The following PRKN variants were observed in gnomAD, a reference collection of about 807,000 sequenced individuals.
PRKN encodes the protein parkin RBR E3 ubiquitin protein ligase, also known as E3 ubiquitin-protein ligase parkin.
PRKN carries 56 observed loss-of-function variants against 59.5 expected under a neutral mutation model. That is an observed-to-expected ratio of 0.94 (90% confidence interval 0.76 to 1.18). The LOEUF is 1.18. Among genes scored for constraint, PRKN ranks in the 50% most tolerant of loss-of-function variants. The pLI, the probability that PRKN is intolerant of heterozygous loss-of-function variation, is 0.00. For synonymous variants in PRKN, 250 were observed against 222.1 expected, an observed-to-expected ratio of 1.13 and a Z score of -1.12; for missense variants, 657 against 596.4, an observed-to-expected ratio of 1.10 and a Z score of -1.06.
rs369425269 is a variant in PRKN, at chr6:161,898,090, C to G, written c.734+75212G>C. Among the ~76,000 whole-genome samples the G allele has an allele frequency of 3.3e-4, 50 of 151,080 alleles. 2 individuals carry two copies. The South Asian group carries it at 9.6e-3, about 29-fold the overall frequency. ...TTTAAGAAGGATGACTATAACAGAA[C>G]TTGTAGCAAATTTTCCATAGTAAAG... On this transcript the variant is annotated intron_variant, in intron 6 of 11. Transcript: ENST00000366898.
intron 1 of PRKN, chr6:162,568,806 G>T: frequency 1.4e-6 from 1 of 733,614 alleles, no homozygotes; most frequent in Admixed American, 1.7e-5. Context: ...GGCAGAGCTT[G>T]GCAACATGCA....
At chr6:162,147,198 A>G (rs1782067172) in intron 4 of PRKN, among the ~76,000 whole-genome samples, 1 of 151,234 alleles carries the variant, frequency 6.6e-6, no homozygotes, top group Non-Finnish European at 1.5e-5. Flanking sequence ...AAAATTACCC[A>G]CTGGCGTGGT....
At chr6:162,130,865 T>C (rs767625557) in intron 4 of PRKN, among the ~76,000 whole-genome samples, 2 of 152,128 alleles carry the variant, frequency 1.3e-5, no homozygotes, top group African/African-American at 2.4e-5. Flanking sequence ...AAGAATAATA[T>C]GAAAAGTATC....
At chr6:162,051,043 C>T (rs185849884) in intron 5 of PRKN, among the ~76,000 whole-genome samples, 7 of 152,266 alleles carry the variant, frequency 4.6e-5, no homozygotes, top group African/African-American at 7.2e-5. Context: ...ACACGTCCTA[C>T]AAGTGCTGCA....
chr6:161,953,283 T>C (rs1780053957), intron 6 of PRKN, among the ~76,000 whole-genome samples: 1 of 152,108 alleles, frequency 6.6e-6, no homozygotes, highest in Admixed American at 6.6e-5. Context: ...AGCTAATTTT[T>C]TAATTTTAAT....
intron 2 of PRKN, among the ~76,000 whole-genome samples, chr6:162,413,527 C>T (rs1788455767): frequency 6.6e-6 from 1 of 152,166 alleles, no homozygotes; most frequent in Admixed American, 6.5e-5. Context: ...CAAAAGGCAA[C>T]AAAAGTTGGT....
chr6:161,531,009 G>A (rs1368443957), intron 9 of PRKN, among the ~76,000 whole-genome samples: 6 of 152,124 alleles, frequency 3.9e-5, no homozygotes, highest in African/African-American at 1.4e-4. Flanking sequence ...ACAGAACATA[G>A]CACTCCACCA....
chr6:162,708,905 A>T (rs939394020), intron 1 of PRKN, among the ~76,000 whole-genome samples: 1 of 152,066 alleles, frequency 6.6e-6, no homozygotes, highest in Non-Finnish European at 1.5e-5. Context: ...GAGCCAGTAA[A>T]CCTTCCTCTG....
chr6:161,939,417 T>A (rs1462996782), intron 6 of PRKN, among the ~76,000 whole-genome samples: 11 of 22,638 alleles, frequency 4.9e-4, no homozygotes, highest in Admixed American at 4.0e-3. Context: ...AGACTCTGTC[T>A]CAAAAAAAAA....
chr6:161,516,826 C>CAAAAAAAAAAAAAAAAAA (rs369136348), intron 9 of PRKN, among the ~76,000 whole-genome samples: 5 of 63,206 alleles, frequency 7.9e-5, no homozygotes, highest in Admixed American at 2.2e-4. Flanking sequence ...GACTCAATCT[C>CAAAAAAAAAAAAAAAAAA]AAAAAAAAAA....
chr6:162,530,126 C>T (rs533382913), intron 1 of PRKN, among the ~76,000 whole-genome samples: 2 of 139,622 alleles, frequency 1.4e-5, no homozygotes, highest in Admixed American at 1.5e-4. Flanking sequence ...GCGAAACTAA[C>T]TCAGTCTCAA....
At position 161,418,201 on chromosome 6, in the gene PRKN, A is replaced by G. The variant is rs1438449183; in HGVS notation, c.1084-31324T>C. Among the ~76,000 whole-genome samples, 4 of 152,240 alleles carry G rather than the reference A, an allele frequency of 2.6e-5. No homozygotes were observed. In the East Asian group the frequency reaches 7.7e-4, roughly 29 times the overall value. On this transcript the variant is annotated intron_variant, in intron 9 of 11. Transcript: ENST00000366898. ...TGGAAGTATTAATATGTAATGAGTT[A>G]GACAGATAACGTGTTTGAAGCAGCC...
intron 4 of PRKN, among the ~76,000 whole-genome samples, chr6:162,179,569 G>T (rs1316825387): frequency 6.6e-6 from 1 of 152,312 alleles, no homozygotes; most frequent in African/African-American, 2.4e-5. Flanking sequence ...GTTGGAGGTG[G>T]CATGAGGGGA....
chr6:161,949,057 C>G (rs1032249033), intron 6 of PRKN, among the ~76,000 whole-genome samples: 1 of 152,164 alleles, frequency 6.6e-6, no homozygotes, highest in Non-Finnish European at 1.5e-5. Flanking sequence ...CTGATCAACA[C>G]GTGGGCTCCA....
chr6:162,004,527 A>C (rs1008249188), intron 5 of PRKN, among the ~76,000 whole-genome samples: 5 of 152,216 alleles, frequency 3.3e-5, no homozygotes, highest in Admixed American at 1.3e-4. Flanking sequence ...CTTACTGCTT[A>C]ATTATTTGCT....
chr6:162,462,548 T>C (rs112056568), intron 1 of PRKN, among the ~76,000 whole-genome samples: 1 of 152,136 alleles, frequency 6.6e-6, no homozygotes, highest in African/African-American at 2.4e-5. Flanking sequence ...CGTACATGTA[T>C]AGTCTCCCCC....
intron 6 of PRKN, among the ~76,000 whole-genome samples, chr6:161,802,729 C>G (rs1791141893): frequency 6.6e-6 from 1 of 152,152 alleles, no homozygotes; most frequent in African/African-American, 2.4e-5. Flanking sequence ...GTCTCCATAA[C>G]ATCAATCACT....
At chr6:162,021,139 TATA>T (rs1783146453) in intron 5 of PRKN, among the ~76,000 whole-genome samples, 1 of 5,308 alleles carries the variant, frequency 1.9e-4, no homozygotes, top group South Asian at 5.6e-3. Flanking sequence ...TATATATATA[TATA>T]TATATATATA....
chr6:162,252,659 T>C, intron 3 of PRKN, among the ~76,000 whole-genome samples: 1 of 152,188 alleles, frequency 6.6e-6, no homozygotes, highest in East Asian at 1.9e-4. Context: ...GAAGGCACCA[T>C]CTATGAACCA....
Sources: allele counts gnomAD v4.1 joint callset (sites outside exome capture counted in the v4.1 genomes callset), GRCh38; gene constraint gnomAD v4.1.1; transcripts MANE v1.5; gene names NCBI Gene and HGNC (gene_info 2026-07-23, HGNC 2026-07-21).